Variants in P3H2 observed in about 807,000 individuals in gnomAD.
P3H2 encodes the protein prolyl 3-hydroxylase 2.
A neutral mutation model predicts 87.0 loss-of-function variants in P3H2; 80 were observed. The ratio of observed to expected loss-of-function variants is 0.92; its 90% CI spans 0.77 to 1.11. The LOEUF (loss-of-function observed/expected upper bound fraction) is 1.11. Among genes scored for constraint, P3H2 ranks in the 50% least tolerant of loss-of-function variants. The pLI, the probability that P3H2 is intolerant of heterozygous loss-of-function variation, is 0.00. For synonymous variants in P3H2, 367 were observed against 359.3 expected, an observed-to-expected ratio of 1.02 and a Z score of -0.24; for missense variants, 1,001 against 923.9, an observed-to-expected ratio of 1.08 and a Z score of -1.08.
rs1723988347 is a variant in P3H2, at chr3:189,994,592, C to T, written c.634-309G>A. Among the ~76,000 whole-genome samples the T allele has an allele frequency of 2.0e-5, 3 of 151,786 alleles. No individual in the cohort carries two copies. The South Asian group carries it at 6.2e-4, about 32-fold the overall frequency. Reference sequence around the variant, plus strand: ...TGAAATCATTTGCCTATAGGTAGGGCCATGTAACAAGTGCAGGACAACAGA... The same window carrying T: ...TGAAATCATTTGCCTATAGGTAGGGTCATGTAACAAGTGCAGGACAACAGA... On this transcript the variant is annotated intron_variant, in intron 2 of 14. Transcript: ENST00000319332.
At chr3:190,112,222 T>A (rs1001137821) in intron 1 of P3H2, among the ~76,000 whole-genome samples, 1 of 152,228 alleles carries the variant, frequency 6.6e-6, no homozygotes, top group African/African-American at 2.4e-5. Context: ...GGATCTTCCA[T>A]TTGATTGCAT....
chr3:190,085,495 T>C (rs1727181814), intron 1 of P3H2, among the ~76,000 whole-genome samples: 1 of 152,224 alleles, frequency 6.6e-6, no homozygotes, highest in Non-Finnish European at 1.5e-5. Context: ...GCACAAATTA[T>C]CTAAGCATTT....
At chr3:190,086,446 C>A (rs541233544) in intron 1 of P3H2, among the ~76,000 whole-genome samples, 24 of 152,290 alleles carry the variant, frequency 1.6e-4, no homozygotes, top group African/African-American at 5.5e-4. Flanking sequence ...CTCTAATTCC[C>A]AACCTGCAGC....
intron 1 of P3H2, among the ~76,000 whole-genome samples, chr3:190,062,447 A>C (rs1200981634): frequency 1.3e-5 from 2 of 152,184 alleles, no homozygotes; most frequent in African/African-American, 4.8e-5. Context: ...TTGAATAAAG[A>C]AATAATTTTT....
intron 1 of P3H2, among the ~76,000 whole-genome samples, chr3:190,110,007 C>T (rs1161870657): frequency 6.6e-6 from 1 of 151,964 alleles, no homozygotes; most frequent in Non-Finnish European, 1.5e-5. Context: ...CACCACCACA[C>T]TTGGCTAATT....
intron 1 of P3H2, among the ~76,000 whole-genome samples, chr3:190,012,881 T>TA (rs913281473): frequency 2.0e-5 from 3 of 152,178 alleles, no homozygotes; most frequent in African/African-American, 7.2e-5. Context: ...CTCATCTGTA[T>TA]AAAAAACAGA....
chr3:189,995,340 C>T lies in P3H2; in HGVS notation c.583G>A (p.Ala195Thr). ...ACCAACTGCAATGCTTCAACACCAG[C>T]TGTCGCCCTGTAATTCTCAATGTTC... ...QQNIENYRATAGVEALQLVDR... is the reference protein window; with the variant it reads ...QQNIENYRATTGVEALQLVDR... Residue 195 changes from alanine to threonine, a missense_variant, in exon 2 of 15, where the codon GCT becomes ACT. Transcript: ENST00000319332. 1 of 1,614,102 alleles carries T rather than the reference C, an allele frequency of 6.2e-7. No homozygotes were observed. The highest frequency in any genetic ancestry group is 1.1e-5 in the South Asian group (1 of 91,080).
At chr3:190,031,549 AT>A (rs1391105029) in intron 1 of P3H2, among the ~76,000 whole-genome samples, 2 of 152,060 alleles carry the variant, frequency 1.3e-5, no homozygotes, top group Non-Finnish European at 2.9e-5. Flanking sequence ...AGGCAGGAGA[AT>A]CACTGGAACC....
intron 1 of P3H2, among the ~76,000 whole-genome samples, chr3:190,043,568 G>A (rs1411272587): frequency 6.6e-6 from 1 of 152,078 alleles, no homozygotes; most frequent in Non-Finnish European, 1.5e-5. Context: ...ACTTTATTGA[G>A]GTATAACTGG....
chr3:190,053,645 A>G (rs11918465), intron 1 of P3H2, among the ~76,000 whole-genome samples: 27,938 of 151,702 alleles, frequency 0.18, 3,691 homozygotes, highest in African/African-American at 0.38. Context: ...CTTAGTAGAG[A>G]CAGGGTTTCA....
At chr3:190,071,782 T>C (rs917748812) in intron 1 of P3H2, among the ~76,000 whole-genome samples, 3 of 152,108 alleles carry the variant, frequency 2.0e-5, no homozygotes, top group African/African-American at 7.2e-5. Flanking sequence ...ATCTCAGCTA[T>C]GATTATAGGT....
chr3:190,039,535 C>G (rs1389357277), intron 1 of P3H2, among the ~76,000 whole-genome samples: 16 of 152,126 alleles, frequency 1.1e-4, no homozygotes, highest in African/African-American at 3.6e-4. Context: ...AACCGTTGAA[C>G]CTTTTATTTA....
chr3:190,086,344 T>C (rs1253490658), intron 1 of P3H2, among the ~76,000 whole-genome samples: 20 of 152,150 alleles, frequency 1.3e-4, no homozygotes, highest in Admixed American at 1.3e-3. Flanking sequence ...AAGAAACAGA[T>C]ACTTACAAAA....
chr3:190,023,068 C>T (rs747992484), intron 1 of P3H2, among the ~76,000 whole-genome samples: 5 of 152,036 alleles, frequency 3.3e-5, no homozygotes, highest in South Asian at 2.1e-4. Flanking sequence ...CCTCACGATC[C>T]GCCCGCCTTG....
At position 189,964,080 on chromosome 3, in the gene P3H2, A is replaced by G. The variant is rs746678912; in HGVS notation, c.1912T>C (p.Cys638Arg). Reference sequence around the variant, plus strand: ...GATGAGAAGCTGATCATGCGCCCACATTTTGGTTTTATAGAGGCCTGAGAA... The same window carrying G: ...GATGAGAAGCTGATCATGCGCCCACGTTTTGGTTTTATAGAGGCCTGAGAA... ...KTVTASIKPKCGRMISFSSGG... is the reference protein window; with the variant it reads ...KTVTASIKPKRGRMISFSSGG... The change falls in exon 14 of 15, where the codon TGT becomes CGT. Residue 638 changes from cysteine (C) to arginine (R), a missense_variant. Transcript: ENST00000319332. 6.2e-7 allele frequency: 1 copy of G among 1,614,184 alleles called. No individual in the cohort carries two copies. The highest frequency in any genetic ancestry group is 2.2e-5 in the East Asian group (1 of 44,888).
upstream of P3H2, chr3:190,121,030 C>G (rs1030803246): frequency 1.2e-5 from 5 of 411,106 alleles, no homozygotes; most frequent in African/African-American, 4.2e-5. Flanking sequence ...GCGGCACACT[C>G]CAGCGCCAGC....
chr3:190,056,377 C>T (rs1726155482), intron 1 of P3H2, among the ~76,000 whole-genome samples: 1 of 152,172 alleles, frequency 6.6e-6, no homozygotes, highest in Non-Finnish European at 1.5e-5. Context: ...CAGTTACTGC[C>T]TTCATTTGGT....
At chr3:189,974,057 G>C (rs1217623085) in intron 9 of P3H2, 53 bp from the exon 10 acceptor site, 3 of 1,455,684 alleles carry the variant, frequency 2.1e-6, no homozygotes, top group Non-Finnish European at 2.9e-6. Flanking sequence ...GAATTCATCA[G>C]GTCTTTTTCT....
rs76130770 is a variant in P3H2, at chr3:189,990,105, G to C, written c.824-1067C>G. On this transcript the variant is annotated intron_variant, in intron 3 of 14. Coordinates refer to ENST00000319332, the MANE Select transcript of P3H2 (RefSeq NM_018192.4). ...CTCTGTTTAGTCTGAGTTTGGCTTG[G>C]ATCTTGGTGATTTTGCAGAGGGACC... 7.9e-5 allele frequency among the ~76,000 whole-genome samples: 12 copies of C among 152,128 alleles called. No individual in the cohort carries two copies. In the East Asian group the frequency reaches 2.3e-3, roughly 30 times the overall value.
Sources: gnomAD v4.1 joint callset for allele counts (sites outside exome capture counted in the v4.1 genomes callset) on GRCh38, gnomAD v4.1.1 for gene constraint, MANE v1.5 for transcripts, NCBI Gene and HGNC (gene_info 2026-07-23, HGNC 2026-07-21) for gene names.